The following PTPRG variants were observed in gnomAD, a reference collection of about 807,000 sequenced individuals.
The protein encoded by PTPRG is protein tyrosine phosphatase receptor type G.
In PTPRG, 102 loss-of-function variants were observed where a neutral mutation model predicts 165.3. That is an observed-to-expected ratio of 0.62 (90% CI 0.53 to 0.73). The LOEUF is 0.73. Ranked by LOEUF, PTPRG falls within the 30% of genes least tolerant of loss-of-function variation. The pLI, the probability that PTPRG is intolerant of heterozygous loss-of-function variation, is 0.00. For synonymous variants in PTPRG, 675 were observed against 669.5 expected, an observed-to-expected ratio of 1.01 and a Z score of -0.13; for missense variants, 1,866 against 1,861.4, an observed-to-expected ratio of 1.00 and a Z score of -0.05.
At position 61,696,106 on chromosome 3, in the gene PTPRG, G is replaced by A. The variant is rs13085977; in HGVS notation, c.86-52772G>A. Among the ~76,000 whole-genome samples, 1,203 of 152,222 alleles carry A rather than the reference G, an allele frequency of 7.9e-3. 11 individuals carry two copies. The highest frequency in any genetic ancestry group is 0.014 in the Non-Finnish European group (967 of 68,010). On this transcript the variant is annotated intron_variant, in intron 1 of 29. Transcript: ENST00000474889. ...TGTTATGAGAACAAACCAAAAATGC[G>A]GTTCTTCCATGCACTTGTAGTACCC...
chr3:61,847,940 C>G (rs187671586), intron 2 of PTPRG, among the ~76,000 whole-genome samples: 1 of 152,204 alleles, frequency 6.6e-6, no homozygotes, highest in Non-Finnish European at 1.5e-5. Flanking sequence ...CCCTTTGGAT[C>G]CAGCTTGCTT....
At chr3:61,869,147 G>T (rs558423803) in intron 2 of PTPRG, among the ~76,000 whole-genome samples, 33 of 152,304 alleles carry the variant, frequency 2.2e-4, no homozygotes, top group African/African-American at 7.0e-4. Context: ...CTCCATCAAT[G>T]AGGCTGACCT....
chr3:61,632,443 C>G (rs904797625), intron 1 of PTPRG, among the ~76,000 whole-genome samples: 4 of 152,166 alleles, frequency 2.6e-5, no homozygotes, highest in African/African-American at 9.7e-5. Context: ...CTCTTTGTTT[C>G]TAGAGAAAGA....
intron 2 of PTPRG, among the ~76,000 whole-genome samples, chr3:61,851,018 A>G (rs1397000779): frequency 1.3e-5 from 2 of 152,184 alleles, no homozygotes; most frequent in African/African-American, 2.4e-5. Context: ...TAGAATGTTA[A>G]CGGTAACTCT....
At chr3:61,933,187 T>A (rs1473968794) in intron 2 of PTPRG, among the ~76,000 whole-genome samples, 1 of 152,154 alleles carries the variant, frequency 6.6e-6, no homozygotes, top group Non-Finnish European at 1.5e-5. Flanking sequence ...TGTGGAAAGG[T>A]ACATTTCTCT....
chr3:61,801,179 A>G (rs2035228949), intron 2 of PTPRG, among the ~76,000 whole-genome samples: 3 of 152,112 alleles, frequency 2.0e-5, no homozygotes, highest in African/African-American at 7.2e-5. Flanking sequence ...CTGACTGCTT[A>G]ATTTAGCTTC....
intron 2 of PTPRG, among the ~76,000 whole-genome samples, chr3:61,930,254 G>T (rs1165394800): frequency 6.6e-6 from 1 of 152,136 alleles, no homozygotes; most frequent in African/African-American, 2.4e-5. Flanking sequence ...GAATATAAAA[G>T]ATTTGTATTT....
intron 5 of PTPRG, among the ~76,000 whole-genome samples, chr3:62,081,146 A>T (rs183121831): frequency 0.036 from 5,381 of 151,516 alleles, 184 homozygotes; most frequent in East Asian, 0.19. Context: ...AGTCCCAGCT[A>T]CTCGGGAGGC....
chr3:62,011,196 G>A (rs1047022638), intron 4 of PTPRG, among the ~76,000 whole-genome samples: 5 of 152,192 alleles, frequency 3.3e-5, no homozygotes, highest in African/African-American at 9.6e-5. Context: ...TTTCCCTCCC[G>A]TGCATGTGTT....
At chr3:61,774,558 T>C (rs1372674024) in intron 2 of PTPRG, among the ~76,000 whole-genome samples, 4 of 152,188 alleles carry the variant, frequency 2.6e-5, no homozygotes, top group Non-Finnish European at 4.4e-5. Flanking sequence ...GCAACTTCAG[T>C]TGGATGCAAA....
intron 1 of PTPRG, among the ~76,000 whole-genome samples, chr3:61,738,326 A>ATGTATATATATATGTG (rs374632240): frequency 1.8e-5 from 2 of 110,710 alleles, no homozygotes; most frequent in East Asian, 2.6e-4. Context: ...ATATATATAT[A>ATGTATATATATATGTG]TATATATATA....
chr3:61,675,510 C>G (rs1004400536), intron 1 of PTPRG, among the ~76,000 whole-genome samples: 3 of 152,152 alleles, frequency 2.0e-5, no homozygotes, highest in Non-Finnish European at 4.4e-5. Context: ...TTCTCACCCA[C>G]AGGTATCACT....
chr3:62,236,728 T>C (rs1701041288), intron 14 of PTPRG, among the ~76,000 whole-genome samples: 1 of 152,140 alleles, frequency 6.6e-6, no homozygotes, highest in Non-Finnish European at 1.5e-5. Context: ...ATACCAACAA[T>C]CAGTTAGTTC....
intron 2 of PTPRG, among the ~76,000 whole-genome samples, chr3:61,954,635 C>T (rs1168228670): frequency 1.3e-5 from 2 of 152,088 alleles, no homozygotes; most frequent in African/African-American, 4.8e-5. Flanking sequence ...CAAGCGAAGC[C>T]AGGGGGAGAA....
chr3:61,990,515 C>G (rs1368058000), intron 3 of PTPRG, among the ~76,000 whole-genome samples: 1 of 152,198 alleles, frequency 6.6e-6, no homozygotes. Flanking sequence ...AGCTGCCTCC[C>G]TCTCAATTAC....
At chr3:62,033,578 T>C (rs1699845147) in intron 4 of PTPRG, among the ~76,000 whole-genome samples, 2 of 128,538 alleles carry the variant, frequency 1.6e-5, no homozygotes, top group South Asian at 2.6e-4. Flanking sequence ...TGTTCCACGC[T>C]GGTCTTGAAT....
chr3:61,957,521 G>C (rs1349223252), intron 2 of PTPRG, among the ~76,000 whole-genome samples: 1 of 152,214 alleles, frequency 6.6e-6, no homozygotes, highest in Non-Finnish European at 1.5e-5. Flanking sequence ...AGGCAAACAT[G>C]TAATCACTAA....
chr3:61,830,823 C>T (rs1418368888), intron 2 of PTPRG, among the ~76,000 whole-genome samples: 1 of 152,192 alleles, frequency 6.6e-6, no homozygotes, highest in African/African-American at 2.4e-5. Flanking sequence ...ATCCACCTGC[C>T]TCGGCCTTCC....
At chr3:62,094,656 T>A in intron 5 of PTPRG, among the ~76,000 whole-genome samples, 1 of 152,220 alleles carries the variant, frequency 6.6e-6, no homozygotes, top group Non-Finnish European at 1.5e-5. Flanking sequence ...CAGCACCTGC[T>A]GAGTTGCTCA....
Sources: gnomAD v4.1 joint callset for allele counts (sites outside exome capture counted in the v4.1 genomes callset) on GRCh38, gnomAD v4.1.1 for gene constraint, MANE v1.5 for transcripts, NCBI Gene and HGNC (gene_info 2026-07-23, HGNC 2026-07-21) for gene names.